The following ZNF10 variants were observed in gnomAD, a reference collection of about 807,000 sequenced individuals.
ZNF10 encodes zinc finger protein 10, also known as zinc finger protein 10 (KOX 1).
A neutral mutation model predicts 12.2 loss-of-function variants in ZNF10; 8 were observed. That is an observed-to-expected ratio of 0.66 (90% CI 0.39 to 1.18). The LOEUF (loss-of-function observed/expected upper bound fraction) is 1.18, where lower values mean the gene tolerates loss of function less well. Ranked by LOEUF, ZNF10 falls within the 50% of genes most tolerant of loss-of-function variation. ZNF10 has a pLI of 0.01. For synonymous variants in ZNF10, 229 were observed against 228.2 expected (o/e 1.00, Z -0.03); for missense variants, 603 against 678.9 (o/e 0.89, Z 1.24).
rs550084537 is a variant in ZNF10, at chr12:133,137,293, C to A, written c.-60+6539C>A. 3.9e-5 allele frequency among the ~76,000 whole-genome samples: 6 copies of A among 152,296 alleles called. No homozygotes were observed. In the South Asian group the frequency reaches 1.2e-3, roughly 32 times the overall value. ...TACCCCTAGAAGAGCACTTTGAAGA[C>A]ACTAATATTGTTTCCTGGCTTACAA... On this transcript the variant is annotated intron_variant, in intron 1 of 4. Coordinates refer to ENST00000248211, the MANE Select transcript of ZNF10 (RefSeq NM_015394.5).
In ZNF10 at chr12:133,159,378, T is replaced by C. The variant is rs1338639437; in HGVS notation, c.*2410T>C. On this transcript the variant is annotated 3_prime_UTR_variant, in exon 5 of 5. Coordinates refer to ENST00000248211, the MANE Select transcript of ZNF10 (RefSeq NM_015394.5). ...GTTTGGTAAAGGAAAAATGCTGTCA[T>C]GTGTTACAAAAGCATGATAAATAAT... is the stretch of plus-strand genomic sequence containing the variant. 1 of 152,228 alleles carries C rather than the reference T, an allele frequency of 6.6e-6. No individual in the cohort carries two copies. Among genetic ancestry groups the C allele is most frequent in the Non-Finnish European group, 1.5e-5 (1 of 68,044 alleles). 9.4% of individuals were successfully genotyped at this position (152,228 alleles called of 1,614,324 possible).
At chr12:133,145,752 C>G (rs1046045558) in intron 2 of ZNF10, among the ~76,000 whole-genome samples, 1 of 151,956 alleles carries the variant, frequency 6.6e-6, no homozygotes, top group Admixed American at 6.6e-5. Flanking sequence ...TTGCAGTGAG[C>G]CAAGATCATG....
In ZNF10 at chr12:133,141,063, G is replaced by A. The variant is rs1369648024; in HGVS notation, c.-59-3371G>A. ...ATATCTATTCCCACCAGCCAGACTG[G>A]AAAACTCTTCCAATTCCTGGAGCAT... On this transcript the variant is annotated intron_variant, in intron 1 of 4. Transcript: ENST00000248211. Among the ~76,000 whole-genome samples, 5 of 152,166 alleles carry A rather than the reference G, an allele frequency of 3.3e-5. No individual in the cohort carries two copies. In the East Asian group the frequency reaches 9.6e-4, roughly 29 times the overall value.
rs1460885512 is a variant in ZNF10 at position 133,159,161 on chromosome 12, A to G, written c.*2193A>G. Reference sequence around the variant, plus strand: ...GAGTGCCTGGCACATAGTAGGTGCCATTAATAATATTACTATTGTTAACAC... The same window carrying G: ...GAGTGCCTGGCACATAGTAGGTGCCGTTAATAATATTACTATTGTTAACAC... On this transcript the variant is annotated 3_prime_UTR_variant, in exon 5 of 5. Coordinates refer to ENST00000248211, the MANE Select transcript of ZNF10 (RefSeq NM_015394.5). 6.6e-6 allele frequency: 1 copy of G among 152,282 alleles called. No homozygotes were observed. The highest frequency in any genetic ancestry group is 1.5e-5 in the Non-Finnish European group (1 of 68,048). The allele number at this position is 152,282 out of a possible 1,614,324, so 9.4% of individuals were successfully genotyped here.
chr12:133,130,974 G>A (rs897663892), intron 1 of ZNF10: 3 of 152,180 alleles, frequency 2.0e-5, no homozygotes, highest in Non-Finnish European at 4.4e-5. Flanking sequence ...GGAGAATAAC[G>A]GCTGCACCTG....
rs1393603865 is a variant in ZNF10, at chr12:133,159,337, AAT to A, written c.*2372_*2373del. ...TAATGGAAGATTATGCAGGCATTAA[AAT>A]ATGTACACAAAAAGTTTGGTAAAGG... On this transcript the variant is annotated 3_prime_UTR_variant, in exon 5 of 5. Coordinates refer to ENST00000248211, the MANE Select transcript of ZNF10 (RefSeq NM_015394.5). 2 of 152,252 alleles carry A rather than the reference AAT, an allele frequency of 1.3e-5. No individual in the cohort carries two copies. Among genetic ancestry groups the A allele is most frequent in the African/African-American group, 4.8e-5 (2 of 41,466 alleles). The allele number at this position is 152,252 out of a possible 1,614,324, so 9.4% of individuals were successfully genotyped here.
At chr12:133,135,950 C>G (rs921598441) in intron 1 of ZNF10, among the ~76,000 whole-genome samples, 16 of 152,224 alleles carry the variant, frequency 1.1e-4, no homozygotes, top group African/African-American at 3.9e-4. Flanking sequence ...GCAGCTTTTG[C>G]TAGTTTGTCA....
rs1056984596 is a variant in ZNF10, at chr12:133,142,958, C to T, written c.-59-1476C>T. Among the ~76,000 whole-genome samples, 9 of 152,244 alleles carry T rather than the reference C, an allele frequency of 5.9e-5. No individual in the cohort carries two copies. The South Asian group carries it at 6.2e-4, about 11-fold the overall frequency. On this transcript the variant is annotated intron_variant, in intron 1 of 4. Coordinates refer to ENST00000248211, the MANE Select transcript of ZNF10 (RefSeq NM_015394.5). ...TGGAAACAATGCAAGTGTTCATCAA[C>T]AGATGAGTGGGTAACAAAATGTAGT...
chr12:133,140,076 G>A (rs967194191), intron 1 of ZNF10, among the ~76,000 whole-genome samples: 13 of 151,738 alleles, frequency 8.6e-5, no homozygotes, highest in African/African-American at 3.1e-4. Flanking sequence ...GATGGTATGT[G>A]CCTTTGGTCC....
chr12:133,136,328 G>C (rs981295428), intron 1 of ZNF10, among the ~76,000 whole-genome samples: 2 of 151,974 alleles, frequency 1.3e-5, no homozygotes, highest in Admixed American at 6.6e-5. Flanking sequence ...TCCTATTGTG[G>C]AATTTGTCTG....
rs1413266156 is a variant in ZNF10 at position 133,151,798 on chromosome 12, A to G, written c.161-11A>G. ...ACTCTTACCCTGTTCTTTGTCTTTC[A>G]CTGTGAACAGGTTATCAGCTTACTA... On this transcript the variant is annotated splice_polypyrimidine_tract_variant and intron_variant, in intron 3 of 4. Coordinates refer to ENST00000248211, the MANE Select transcript of ZNF10 (RefSeq NM_015394.5). 1.2e-6 allele frequency: 2 copies of G among 1,611,506 alleles called. No homozygotes were observed. Among genetic ancestry groups the G allele is most frequent in the East Asian group, 2.2e-5 (1 of 44,836 alleles).
rs747557709 is a variant in ZNF10 at position 133,155,878 on chromosome 12, A to G, written c.632A>G (p.Asn211Ser). 8.7e-6 allele frequency: 14 copies of G among 1,613,538 alleles called. No individual in the cohort carries two copies. The highest frequency in any genetic ancestry group is 1.0e-5 in the Non-Finnish European group (12 of 1,179,822). ...LNGHQDSCAS[N>S]SNECGQTFCQ... The stretch of plus-strand genomic sequence containing the variant: ...GGTCATCAGGACAGTTGTGCAAGTA[A>G]CAGTAATGAATGTGGTCAAACTTTC... The change falls in exon 5 of 5, where the codon AAC (asparagine) becomes AGC (serine). Residue 211 changes from asparagine (N) to serine (S), a missense_variant. This residue lies in a region of ZNF10 where 393 missense variants were observed against 399.7 expected (regional missense o/e 0.98). Transcript: ENST00000248211.
Position 133,158,855 on chromosome 12 carries a change from T to C in ZNF10, c.*1887T>C, listed in dbSNP as rs1020757951. On this transcript the variant is annotated 3_prime_UTR_variant, in exon 5 of 5. Transcript: ENST00000248211. ...CGTTGTACAATTGAGATCAAGTGAA[T>C]TGGCCCCGGTCTCACATTTTCAGTG... is the stretch of plus-strand genomic sequence containing the variant. The C allele has an allele frequency of 6.6e-6, 1 of 152,248 alleles. No homozygotes were observed. The highest frequency in any genetic ancestry group is 1.5e-5 in the Non-Finnish European group (1 of 68,064). 9.4% of individuals were successfully genotyped at this position (152,248 alleles called of 1,614,324 possible). A position where few individuals can be genotyped will look rare whatever the true frequency, so the allele number is the denominator to read the frequency against.
At position 133,158,024 on chromosome 12, in the gene ZNF10, A is replaced by T. The variant is rs1288118504; in HGVS notation, c.*1056A>T. 2 of 152,202 alleles carry T rather than the reference A, an allele frequency of 1.3e-5. No individual in the cohort carries two copies. Among genetic ancestry groups the T allele is most frequent in the African/African-American group, 4.8e-5 (2 of 41,444 alleles). 9.4% of individuals were successfully genotyped at this position (152,202 alleles called of 1,614,324 possible). A position where few individuals can be genotyped will look rare whatever the true frequency, so the allele number is the denominator to read the frequency against. ...CTCAAGGTAGTCTTTTATCTTTATA[A>T]AGAAAGATTAGTGTTTAAGAGCGTA... On this transcript the variant is annotated 3_prime_UTR_variant, in exon 5 of 5. Coordinates refer to ENST00000248211, the MANE Select transcript of ZNF10 (RefSeq NM_015394.5).
chr12:133,144,367 T>C (rs1955963559), intron 1 of ZNF10, 67 bp from the exon 2 acceptor site: 2 of 913,034 alleles, frequency 2.2e-6, no homozygotes, highest in Non-Finnish European at 3.4e-6. Flanking sequence ...TGAAGAAGTT[T>C]AGACTGACAA....
intron 1 of ZNF10, among the ~76,000 whole-genome samples, chr12:133,138,021 A>T (rs189422438): frequency 6.8e-6 from 1 of 147,244 alleles, no homozygotes; most frequent in Admixed American, 6.8e-5. Context: ...TTAGCTATAC[A>T]TTCATTTGTA....
chr12:133,153,985 A>T (rs1956023944), intron 4 of ZNF10, among the ~76,000 whole-genome samples: 1 of 152,088 alleles, frequency 6.6e-6, no homozygotes, highest in South Asian at 2.1e-4. Context: ...GACCACCCTC[A>T]TACTGGATTA....
intron 1 of ZNF10, among the ~76,000 whole-genome samples, chr12:133,143,363 T>TA (rs1478781460): frequency 3.3e-5 from 5 of 152,054 alleles, no homozygotes; most frequent in Non-Finnish European, 7.4e-5. Context: ...TACTGCAATT[T>TA]AAAAAATTAT....
At chr12:133,146,252 C>T (rs1159049937) in intron 2 of ZNF10, among the ~76,000 whole-genome samples, 2 of 152,154 alleles carry the variant, frequency 1.3e-5, no homozygotes, top group African/African-American at 2.4e-5. Flanking sequence ...ACGTCACCAC[C>T]ACTGCACTGG....
Sources: gnomAD v4.1 joint callset for allele counts (sites outside exome capture counted in the v4.1 genomes callset) on GRCh38, gnomAD v4.1.1 for gene constraint, gnomAD v4.1.1 regional missense constraint, MANE v1.5 for transcripts, NCBI Gene and HGNC (gene_info 2026-07-23, HGNC 2026-07-21) for gene names.